CCDC102B: variants seen among roughly 807,000 people sequenced by gnomAD.
CCDC102B encodes coiled-coil domain containing 102B, also known as coiled-coil domain-containing protein 102B.
CCDC102B carries 75 observed loss-of-function variants against 57.4 expected under a neutral mutation model. The observed-to-expected ratio is 1.31, with a 90% CI of 1.08 to 1.58. The LOEUF (loss-of-function observed/expected upper bound fraction) is 1.58, where lower values mean the gene tolerates loss of function less well. Ranked by LOEUF, CCDC102B falls within the 40% of genes most tolerant of loss-of-function variation. The pLI, the probability that CCDC102B is intolerant of heterozygous loss-of-function variation, is 0.00. For synonymous variants in CCDC102B, 206 were observed against 201.9 expected, an observed-to-expected ratio of 1.02 and a Z score of -0.17; for missense variants, 636 against 582.6, an observed-to-expected ratio of 1.09 and a Z score of -0.94.
chr18:68,806,369 C>T (rs929434170), intron 1 of CCDC102B, among the ~76,000 whole-genome samples: 1 of 151,686 alleles, frequency 6.6e-6, no homozygotes, highest in Non-Finnish European at 1.5e-5. Context: ...ATTATGTGGC[C>T]ATGTGGAAGA....
intron 6 of CCDC102B, among the ~76,000 whole-genome samples, chr18:68,998,161 T>C (rs1467827764): frequency 1.3e-5 from 2 of 152,044 alleles, no homozygotes; most frequent in Non-Finnish European, 2.9e-5. Context: ...GGTTTGATTT[T>C]TTTTTAATTT....
intron 5 of CCDC102B, among the ~76,000 whole-genome samples, chr18:68,894,584 C>T (rs879624451): frequency 2.0e-5 from 3 of 151,538 alleles, no homozygotes; most frequent in Non-Finnish European, 3.0e-5. Flanking sequence ...AAGGTACATG[C>T]AATTAAATGC....
Position 68,897,304 on chromosome 18 carries a change from A to G in CCDC102B, c.1139A>G (p.Asn380Ser). The G allele has an allele frequency of 6.2e-7, 1 of 1,613,260 alleles. No homozygotes were observed. Among genetic ancestry groups the G allele is most frequent in the Non-Finnish European group, 8.5e-7 (1 of 1,179,364 alleles). Residue 380 changes from asparagine (N) to serine (S), a missense_variant, in exon 6 of 8, where the codon AAT (asparagine) becomes AGT (serine). Coordinates refer to ENST00000360242, the MANE Select transcript of CCDC102B (RefSeq NM_024781.3). ...EREKQGLERE[N>S]RRLKIQVKEM... The stretch of plus-strand genomic sequence containing the variant: ...GAAAAGCAGGGACTGGAGAGAGAAA[A>G]TAGAAGGCTGAAGATCCAGGTGAAA...
rs2037494677 is a variant in CCDC102B at position 68,838,721 on chromosome 18, A to G, written c.622A>G (p.Ile208Val). ...TTGTCTTCAGGAACAAGGTGTGGTT[A>G]TTGATTCTCTAAAATTAAGTGAGGA... ...DTNNKEQGVV[I>V]DSLKLSEEMK... Residue 208 changes from isoleucine to valine, a missense_variant, in exon 3 of 8, where the codon ATT (isoleucine) becomes GTT (valine). Transcript: ENST00000360242. The G allele has an allele frequency of 6.2e-7, 1 of 1,613,672 alleles. No individual in the cohort carries two copies. The highest frequency in any genetic ancestry group is 1.3e-5 in the African/African-American group (1 of 74,918).
At chr18:68,746,729 C>T (rs2033633829) in intron 2 of CCDC102B, among the ~76,000 whole-genome samples, 1 of 151,374 alleles carries the variant, frequency 6.6e-6, no homozygotes, top group South Asian at 2.1e-4. Flanking sequence ...ATTGGGTTAT[C>T]ATCTTTTTTT....
intron 6 of CCDC102B, among the ~76,000 whole-genome samples, chr18:68,959,895 C>A (rs1197361133): frequency 2.0e-5 from 3 of 152,020 alleles, no homozygotes; most frequent in South Asian, 2.1e-4. Flanking sequence ...GTAGTGGGCT[C>A]CCCTCTGGCC....
At chr18:68,953,355 C>CTTTTTTTTT (rs5825890) in intron 6 of CCDC102B, among the ~76,000 whole-genome samples, 1 of 125,536 alleles carries the variant, frequency 8.0e-6, no homozygotes, top group Non-Finnish European at 1.6e-5. Context: ...CAATACTTGT[C>CTTTTTTTTT]TTTTTTTTTT....
chr18:68,924,964 A>C (rs970983593), intron 6 of CCDC102B, among the ~76,000 whole-genome samples: 2 of 152,008 alleles, frequency 1.3e-5, no homozygotes, highest in Non-Finnish European at 2.9e-5. Context: ...AGGCCTAAGT[A>C]TCTGCATCTC....
chr18:68,981,922 A>T (rs1038166530), intron 6 of CCDC102B, among the ~76,000 whole-genome samples: 6 of 152,004 alleles, frequency 3.9e-5, no homozygotes, highest in African/African-American at 1.4e-4. Context: ...ACATGAACTC[A>T]TCCTTTTTTA....
chr18:68,715,890 C>T (rs889462457), intron 1 of CCDC102B, among the ~76,000 whole-genome samples: 2 of 152,070 alleles, frequency 1.3e-5, no homozygotes, highest in African/African-American at 4.8e-5. Context: ...ATTTTGAAAA[C>T]CTGTGACAAC....
chr18:68,715,298 T>C (rs902644017), exon 1 of CCDC102B: 1 of 1,218,476 alleles, frequency 8.2e-7, no homozygotes, highest in Non-Finnish European at 1.0e-6. Context: ...GGGAAAACGG[T>C]GCTGGTTCAC....
intron 2 of CCDC102B, among the ~76,000 whole-genome samples, chr18:68,717,095 T>A (rs1056606176): frequency 2.0e-5 from 3 of 147,556 alleles, no homozygotes; most frequent in African/African-American, 7.6e-5. Context: ...AAAAAAAAAA[T>A]TAGCCAGATG....
chr18:68,884,087 A>G (rs2039789591), intron 5 of CCDC102B, among the ~76,000 whole-genome samples: 2 of 152,208 alleles, frequency 1.3e-5, no homozygotes. Flanking sequence ...TGGTACAGCC[A>G]TCATGGAAAA....
intron 6 of CCDC102B, among the ~76,000 whole-genome samples, chr18:68,980,255 CT>C (rs74712689): frequency 0.028 from 3,957 of 140,766 alleles, 142 homozygotes; most frequent in African/African-American, 0.083. Context: ...ATATTCAATC[CT>C]TTTTTTTTTT....
At chr18:68,954,753 T>C (rs1460042205) in intron 6 of CCDC102B, among the ~76,000 whole-genome samples, 1 of 152,214 alleles carries the variant, frequency 6.6e-6, no homozygotes, top group African/African-American at 2.4e-5. Context: ...TCTATTTACA[T>C]GGCATTAAAA....
chr18:68,867,778 CA>C (rs201082753), intron 4 of CCDC102B, among the ~76,000 whole-genome samples: 5 of 151,032 alleles, frequency 3.3e-5, no homozygotes, highest in African/African-American at 1.2e-4. Flanking sequence ...ACTAAAAATA[CA>C]AAAAATTAGT....
At chr18:68,987,291 G>C (rs578081271) in intron 6 of CCDC102B, among the ~76,000 whole-genome samples, 2 of 152,036 alleles carry the variant, frequency 1.3e-5, no homozygotes, top group African/African-American at 4.8e-5. Context: ...TCTGATCTTC[G>C]ACAAAGCTGA....
intron 7 of CCDC102B, among the ~76,000 whole-genome samples, chr18:69,037,332 A>G (rs1457546240): frequency 1.3e-5 from 2 of 152,052 alleles, no homozygotes; most frequent in Admixed American, 1.3e-4. Context: ...CAAAAACATC[A>G]AGGGACTCAC....
chr18:68,896,870 A>G (rs1028801363), intron 5 of CCDC102B, among the ~76,000 whole-genome samples: 39 of 152,136 alleles, frequency 2.6e-4, no homozygotes, highest in African/African-American at 9.1e-4. Flanking sequence ...ATTGCCCATG[A>G]AATGATATTG....
Sources: gnomAD v4.1 joint callset for allele counts (sites outside exome capture counted in the v4.1 genomes callset) on GRCh38, gnomAD v4.1.1 for gene constraint, MANE v1.5 for transcripts, NCBI Gene and HGNC (gene_info 2026-07-23, HGNC 2026-07-21) for gene names.